ANK2: variants seen among roughly 807,000 people sequenced by gnomAD.
The protein encoded by ANK2 is ankyrin 2, also known as ankyrin-2.
In ANK2, 83 loss-of-function variants were observed where a neutral mutation model predicts 360.5. The observed-to-expected ratio is 0.23, with a 90% CI of 0.19 to 0.28. The LOEUF is 0.28. Among genes scored for constraint, ANK2 ranks in the 10% least tolerant of loss-of-function variants. The probability of loss-of-function intolerance (pLI) is 1.00; values close to 1 mark genes in which losing one functional copy is unlikely to be tolerated. For missense variants in ANK2, 4,201 were observed against 4,795.7 expected (o/e 0.88, Z 3.66); for synonymous variants, 1,740 against 1,759.5 (o/e 0.99, Z 0.28).
chr4:112,927,907 C>G (rs376607949), intron 2 of ANK2, among the ~76,000 whole-genome samples: 1 of 152,092 alleles, frequency 6.6e-6, no homozygotes, highest in Non-Finnish European at 1.5e-5. Flanking sequence ...TACTGAATAA[C>G]CAGAACAAGA....
intron 32 of ANK2, among the ~76,000 whole-genome samples, chr4:113,340,844 G>A (rs1270221297): frequency 5.4e-5 from 8 of 146,982 alleles, no homozygotes; most frequent in East Asian, 4.0e-4. Flanking sequence ...GCGAGACAAC[G>A]TCTCAAAAAA....
chr4:113,051,791 C>G (rs935928429), intron 1 of ANK2, among the ~76,000 whole-genome samples: 1 of 152,018 alleles, frequency 6.6e-6, no homozygotes, highest in South Asian at 2.1e-4. Context: ...AGGGATTCAT[C>G]TGTAAAATGA....
chr4:113,121,931 T>C (rs1200672087), intron 1 of ANK2, among the ~76,000 whole-genome samples: 1 of 152,268 alleles, frequency 6.6e-6, no homozygotes, highest in East Asian at 1.9e-4. Flanking sequence ...TTATTGAGTA[T>C]ATATAATAAA....
intron 1 of ANK2, among the ~76,000 whole-genome samples, chr4:112,884,512 G>A (rs939770192): frequency 1.1e-4 from 17 of 150,682 alleles, no homozygotes; most frequent in Non-Finnish European, 2.5e-4. Flanking sequence ...TTTTTTTTCA[G>A]ACATTAAAAA....
At position 113,357,973 on chromosome 4, in the gene ANK2, A is replaced by G. The variant is rs758405677; in HGVS notation, c.9355A>G (p.Met3119Val). ...AATGACCCGAAGTGGTGCCATTGAT[A>G]TGACCAAAAGGTCCTATGCAGATGA... ...FEMTRSGAID[M>V]TKRSYADESF... The change falls in exon 38 of 46, where the codon ATG becomes GTG. Residue 3119 changes from methionine (M) to valine (V), a missense_variant. By Grantham distance (21) the Met-to-Val change is conservative (BLOSUM62 1). Coordinates refer to ENST00000357077, the MANE Select transcript of ANK2 (RefSeq NM_001148.6). 1 of 1,614,076 alleles carries G rather than the reference A, an allele frequency of 6.2e-7. No individual in the cohort carries two copies. The highest frequency in any genetic ancestry group is 8.5e-7 in the Non-Finnish European group (1 of 1,179,978).
At chr4:112,752,022 T>C in the ANK2 span, among the ~76,000 whole-genome samples, 3 of 152,206 alleles carry the variant, frequency 2.0e-5, no homozygotes, top group Admixed American at 2.0e-4. Context: ...CAGGACTTAT[T>C]AACCAAGGGT....
At position 113,282,911 on chromosome 4, in the gene ANK2, G is replaced by T. The variant is rs767383486; in HGVS notation, c.2079+39G>T. On this transcript the variant is annotated intron_variant, in intron 18 of 45. Coordinates refer to ENST00000357077, the MANE Select transcript of ANK2 (RefSeq NM_001148.6). ...TCTTGCATCAATCAAGAGTGTTTTG[G>T]ATGCATGTAAACAGGAACCAATCGC... 3 of 1,606,924 alleles carry T rather than the reference G, an allele frequency of 1.9e-6. No individual in the cohort carries two copies. In the East Asian group the frequency reaches 6.7e-5, roughly 36 times the overall value.
intron 2 of ANK2, among the ~76,000 whole-genome samples, chr4:112,991,234 C>G (rs1447366548): frequency 7.1e-5 from 2 of 28,330 alleles, no homozygotes; most frequent in South Asian, 1.4e-3. Context: ...GTGACAGAGC[C>G]TCAAAAAAAA....
At chr4:112,827,837 A>T (rs2058734292) in intron 1 of ANK2, among the ~76,000 whole-genome samples, 1 of 152,230 alleles carries the variant, frequency 6.6e-6, no homozygotes. Flanking sequence ...AAGTGACAAT[A>T]ATATTTTTTA....
intron 2 of ANK2, among the ~76,000 whole-genome samples, chr4:112,976,296 C>G (rs1056456684): frequency 6.6e-6 from 1 of 151,768 alleles, no homozygotes; most frequent in Non-Finnish European, 1.5e-5. Context: ...CAGGTTCAAG[C>G]GATTGTCCTG....
chr4:112,924,760 T>C (rs1263213256), intron 2 of ANK2, among the ~76,000 whole-genome samples: 3 of 151,830 alleles, frequency 2.0e-5, no homozygotes, highest in Non-Finnish European at 4.4e-5. Flanking sequence ...TATATGACAG[T>C]AGTGGTTTTT....
At chr4:113,324,109 A>C (rs2088228011) in intron 26 of ANK2, among the ~76,000 whole-genome samples, 1 of 152,220 alleles carries the variant, frequency 6.6e-6, no homozygotes, top group Admixed American at 6.5e-5. Flanking sequence ...ATAGAGATGA[A>C]AAATGTTGTT....
intron 2 of ANK2, among the ~76,000 whole-genome samples, chr4:112,981,757 T>C (rs1046558209): frequency 2.2e-4 from 33 of 152,202 alleles, no homozygotes; most frequent in African/African-American, 8.0e-4. Flanking sequence ...CTGCAATATT[T>C]GAAGGTCTAA....
In ANK2 at chr4:113,076,188, C is replaced by T. The variant is rs142707059; in HGVS notation, c.84+26376C>T. ...TACACATAAAATATAGTAACACGAA[C>T]GATAGTTGATGAGCTTAAAAGTACT... On this transcript the variant is annotated intron_variant, in intron 1 of 45. Transcript: ENST00000357077. Among the ~76,000 whole-genome samples the T allele has an allele frequency of 7.3e-3, 1,112 of 152,278 alleles. 5 individuals are homozygous for T. Among genetic ancestry groups the T allele is most frequent in the Middle Eastern group, 0.017 (5 of 294 alleles).
chr4:112,944,642 A>G (rs1055584946), intron 2 of ANK2, among the ~76,000 whole-genome samples: 2 of 152,168 alleles, frequency 1.3e-5, no homozygotes, highest in African/African-American at 4.8e-5. Context: ...TGAGCAGGCT[A>G]GTTGTATGCA....
chr4:112,788,089 CAGTTT>C, the ANK2 span: 1 of 1,537,316 alleles, frequency 6.5e-7, no homozygotes, highest in Middle Eastern at 2.3e-4. Flanking sequence ...ACATTTAACC[CAGTTT>C]AGTGGCAAGT....
At chr4:113,177,327 G>A (rs1460745939) in intron 2 of ANK2, among the ~76,000 whole-genome samples, 2 of 152,102 alleles carry the variant, frequency 1.3e-5, no homozygotes, top group Non-Finnish European at 2.9e-5. Flanking sequence ...TGATCAGCCC[G>A]CCTCGGCCTC....
intron 10 of ANK2, among the ~76,000 whole-genome samples, chr4:113,255,493 CA>C (rs1382320603): frequency 6.6e-6 from 1 of 152,058 alleles, no homozygotes; most frequent in East Asian, 1.9e-4. Flanking sequence ...CCACACATAC[CA>C]TGCATGACAG....
chr4:112,993,126 TA>T (rs1355811394), intron 2 of ANK2, among the ~76,000 whole-genome samples: 2 of 149,200 alleles, frequency 1.3e-5, no homozygotes, highest in South Asian at 2.1e-4. Context: ...CTACAAAAAA[TA>T]AAAAAAAATA....
Sources: gnomAD v4.1 joint callset for allele counts (sites outside exome capture counted in the v4.1 genomes callset) on GRCh38, gnomAD v4.1.1 for gene constraint, MANE v1.5 for transcripts, NCBI Gene and HGNC (gene_info 2026-07-23, HGNC 2026-07-21) for gene names.